MICU1: variants seen among roughly 807,000 people sequenced by gnomAD.
The protein encoded by MICU1 is mitochondrial calcium uptake 1.
A neutral mutation model predicts 56.8 loss-of-function variants in MICU1; 45 were observed. That is an observed-to-expected ratio of 0.79 (90% CI 0.62 to 1.02). The LOEUF (loss-of-function observed/expected upper bound fraction) is 1.02, where lower values mean the gene tolerates loss of function less well. Ranked by LOEUF, MICU1 falls within the 50% of genes least tolerant of loss-of-function variation. The pLI, the probability that MICU1 is intolerant of heterozygous loss-of-function variation, is 0.00. For synonymous variants in MICU1, 186 were observed against 195.1 expected, an observed-to-expected ratio of 0.95 and a Z score of 0.39; for missense variants, 504 against 587.1, an observed-to-expected ratio of 0.86 and a Z score of 1.46.
chr10:72,581,173 T>C (rs552574047), intron 1 of MICU1, among the ~76,000 whole-genome samples: 10 of 152,182 alleles, frequency 6.6e-5, no homozygotes, highest in East Asian at 1.9e-4. Context: ...CACTAGGCAA[T>C]AGTGCAAACA....
At chr10:72,617,755 C>A (rs1291205169) in intron 1 of MICU1, among the ~76,000 whole-genome samples, 1 of 152,096 alleles carries the variant, frequency 6.6e-6, no homozygotes, top group Non-Finnish European at 1.5e-5. Flanking sequence ...TTGCTTGAGC[C>A]CAGGAGTTTG....
At chr10:72,567,567 C>T (rs1480637062) in intron 1 of MICU1, among the ~76,000 whole-genome samples, 1 of 152,120 alleles carries the variant, frequency 6.6e-6, no homozygotes, top group East Asian at 1.9e-4. Flanking sequence ...GCAAAATGCA[C>T]TAGAAAGCCA....
At chr10:72,600,695 T>C (rs1437858145) in intron 1 of MICU1, among the ~76,000 whole-genome samples, 2 of 151,602 alleles carry the variant, frequency 1.3e-5, no homozygotes, top group Admixed American at 1.3e-4. Context: ...AGTTTTGCTG[T>C]CACACCTTAA....
intron 1 of MICU1, among the ~76,000 whole-genome samples, chr10:72,625,790 T>C (rs2132602365): frequency 6.6e-6 from 1 of 152,056 alleles, no homozygotes; most frequent in South Asian, 2.1e-4. Context: ...TGAAGGAAAG[T>C]GGAGGACGGG....
At chr10:72,427,535 T>C (rs191636951) in intron 8 of MICU1, among the ~76,000 whole-genome samples, 170 of 152,248 alleles carry the variant, frequency 1.1e-3, no homozygotes, top group Non-Finnish European at 2.1e-3. Context: ...TTCTCTTTCA[T>C]ACAGTTATCT....
At chr10:72,485,462 T>C (rs958763786) in intron 6 of MICU1, among the ~76,000 whole-genome samples, 3 of 151,938 alleles carry the variant, frequency 2.0e-5, no homozygotes, top group African/African-American at 7.3e-5. Context: ...ATAATTAACC[T>C]GTTATTATAT....
intron 1 of MICU1, among the ~76,000 whole-genome samples, chr10:72,569,046 G>A (rs1189326780): frequency 2.0e-5 from 3 of 148,548 alleles, no homozygotes; most frequent in African/African-American, 5.0e-5. Flanking sequence ...GAGCCACCGC[G>A]CCTGGCTGGG....
chr10:72,553,327 G>C (rs1052267538), intron 3 of MICU1, among the ~76,000 whole-genome samples: 1 of 150,716 alleles, frequency 6.6e-6, no homozygotes, highest in South Asian at 2.1e-4. Flanking sequence ...TCTACCTCCC[G>C]GGTTCACGCC....
intron 6 of MICU1, among the ~76,000 whole-genome samples, chr10:72,484,670 C>T (rs1866407477): frequency 6.6e-6 from 1 of 152,086 alleles, no homozygotes; most frequent in Non-Finnish European, 1.5e-5. Context: ...CAGAGGATCA[C>T]CTGAACCTGG....
intron 8 of MICU1, among the ~76,000 whole-genome samples, chr10:72,453,113 G>A (rs1004553334): frequency 1.3e-5 from 2 of 152,024 alleles, no homozygotes; most frequent in African/African-American, 2.4e-5. Context: ...CAAATAAATG[G>A]GTTTAGTCTA....
intron 5 of MICU1, among the ~76,000 whole-genome samples, chr10:72,512,239 G>A (rs1217489986): frequency 1.3e-5 from 2 of 149,032 alleles, no homozygotes; most frequent in African/African-American, 4.9e-5. Context: ...AGCCTCCCAA[G>A]TAGCGGGATT....
intron 5 of MICU1, among the ~76,000 whole-genome samples, chr10:72,513,453 A>G (rs1352745512): frequency 6.6e-6 from 1 of 152,052 alleles, no homozygotes; most frequent in Non-Finnish European, 1.5e-5. Flanking sequence ...TATATTCTGG[A>G]TATTAGATCC....
Position 72,519,812 on chromosome 10 carries a change from G to A in MICU1, c.538-11543C>T, listed in dbSNP as rs559006640. Among the ~76,000 whole-genome samples the A allele has an allele frequency of 5.9e-5, 9 of 152,284 alleles. No homozygotes were observed. In the East Asian group the frequency reaches 1.7e-3, roughly 29 times the overall value. ...CTTCTAGTTAAGATCTAATTTTCAAGTTATAAAGTTAAAAAAACTTTTTCT... is the reference window on the plus strand; with the variant it reads ...CTTCTAGTTAAGATCTAATTTTCAAATTATAAAGTTAAAAAAACTTTTTCT... On this transcript the variant is annotated intron_variant, in intron 5 of 11. Transcript: ENST00000361114.
At chr10:72,456,080 T>C (rs563623218) in intron 8 of MICU1, among the ~76,000 whole-genome samples, 3 of 152,106 alleles carry the variant, frequency 2.0e-5, no homozygotes, top group Non-Finnish European at 4.4e-5. Flanking sequence ...TAATGAATCA[T>C]GTGGGGGAGG....
intron 8 of MICU1, among the ~76,000 whole-genome samples, chr10:72,440,608 A>G (rs978074644): frequency 3.3e-5 from 5 of 152,234 alleles, no homozygotes; most frequent in African/African-American, 1.2e-4. Flanking sequence ...CAGAGTGAAC[A>G]GGCAACCTAC....
At chr10:72,565,572 T>C (rs184677907) in intron 2 of MICU1, among the ~76,000 whole-genome samples, 323 of 151,814 alleles carry the variant, frequency 2.1e-3, no homozygotes, top group Non-Finnish European at 3.6e-3. Context: ...CACACCAACA[T>C]GGCACATGTA....
intron 6 of MICU1, among the ~76,000 whole-genome samples, chr10:72,505,837 G>C (rs57206230): frequency 0.08 from 12,228 of 152,032 alleles, 1,668 homozygotes; most frequent in African/African-American, 0.28. Flanking sequence ...GGGGGACAAG[G>C]GCTGAAAACC....
chr10:72,368,407 C>T, intron 11 of MICU1, 52 bp from the exon 12 acceptor site: 1 of 1,572,168 alleles, frequency 6.4e-7, no homozygotes, highest in South Asian at 1.1e-5. Flanking sequence ...TGGAACAACA[C>T]CACTGATATA....
chr10:72,423,408 T>C, intron 8 of MICU1, 37 bp from the exon 9 acceptor site: 3 of 1,603,260 alleles, frequency 1.9e-6, no homozygotes, highest in Non-Finnish European at 2.6e-6. Context: ...CTAGGGTCAA[T>C]GGAAAGTATT....
Sources: gnomAD v4.1 joint callset for allele counts (sites outside exome capture counted in the v4.1 genomes callset) on GRCh38, gnomAD v4.1.1 for gene constraint, MANE v1.5 for transcripts, NCBI Gene and HGNC (gene_info 2026-07-23, HGNC 2026-07-21) for gene names.